Variants in LMNTD1 observed in about 807,000 individuals in gnomAD.
LMNTD1 encodes lamin tail domain containing 1.
LMNTD1 carries 35 observed loss-of-function variants against 50.9 expected under a neutral mutation model. The observed-to-expected ratio is 0.69, with a 90% confidence interval of 0.53 to 0.91. The LOEUF is 0.91. Among genes scored for constraint, LMNTD1 ranks in the 40% least tolerant of loss-of-function variants. The pLI is 0.00. For missense variants in LMNTD1, 470 were observed against 475.5 expected (o/e 0.99, Z 0.11); for synonymous variants, 153 against 161.9 (o/e 0.94, Z 0.42).
intron 8 of LMNTD1, among the ~76,000 whole-genome samples, chr12:25,508,797 A>G (rs1744451521): frequency 6.6e-6 from 1 of 152,178 alleles, no homozygotes; most frequent in Non-Finnish European, 1.5e-5. Flanking sequence ...ATCTTTCGCC[A>G]CTGCACCTAC....
At chr12:25,506,124 C>A (rs1654516299) in intron 8 of LMNTD1, among the ~76,000 whole-genome samples, 1 of 152,184 alleles carries the variant, frequency 6.6e-6, no homozygotes, top group African/African-American at 2.4e-5. Flanking sequence ...CACAGTCCAG[C>A]TTAAGTAAAA....
At chr12:25,576,994 A>G (rs1009974049) in intron 1 of LMNTD1, among the ~76,000 whole-genome samples, 5 of 152,132 alleles carry the variant, frequency 3.3e-5, no homozygotes, top group Non-Finnish European at 7.4e-5. Context: ...CAAAGATCAG[A>G]TGGCTGTAGA....
intron 9 of LMNTD1, chr12:25,503,139 G>C (rs1358607923): frequency 6.6e-6 from 1 of 152,158 alleles, no homozygotes; most frequent in Non-Finnish European, 1.5e-5. Context: ...CAAACCAAAA[G>C]GAATCTTCAT....
chr12:25,525,833 A>G (rs1054645846), intron 6 of LMNTD1, among the ~76,000 whole-genome samples: 3 of 152,152 alleles, frequency 2.0e-5, no homozygotes, highest in East Asian at 3.8e-4. Context: ...ACCACCACTT[A>G]AGAACTAATG....
At chr12:25,479,467 T>C (rs1565932179) in intron 9 of LMNTD1, among the ~76,000 whole-genome samples, 1 of 152,208 alleles carries the variant, frequency 6.6e-6, no homozygotes, top group African/African-American at 2.4e-5. Flanking sequence ...TGCAAAGTAT[T>C]GTCATGTAGT....
At chr12:25,487,053 A>G (rs11502714) in intron 9 of LMNTD1, among the ~76,000 whole-genome samples, 3 of 149,556 alleles carry the variant, frequency 2.0e-5, no homozygotes, top group Non-Finnish European at 4.4e-5. Flanking sequence ...TTTACTTCCA[A>G]GTATGTGGTC....
chr12:25,630,990 T>C (rs1207532484), intron 1 of LMNTD1, among the ~76,000 whole-genome samples: 2 of 152,182 alleles, frequency 1.3e-5, no homozygotes, highest in Non-Finnish European at 2.9e-5. Flanking sequence ...GACCAGCCCT[T>C]CAGTTTGAGT....
At chr12:25,632,223 A>G (rs548232854) in intron 1 of LMNTD1, among the ~76,000 whole-genome samples, 61 of 152,326 alleles carry the variant, frequency 4.0e-4, no homozygotes, top group Non-Finnish European at 6.0e-4. Context: ...CTTGGAAAAC[A>G]TATTTGGGGG....
intron 9 of LMNTD1, among the ~76,000 whole-genome samples, chr12:25,499,356 T>C (rs1939250512): frequency 1.3e-5 from 2 of 152,152 alleles, no homozygotes; most frequent in South Asian, 4.1e-4. Flanking sequence ...TGCCCAGCCA[T>C]GGGAGGAAAT....
chr12:25,484,171 A>G (rs1938535545), intron 9 of LMNTD1, among the ~76,000 whole-genome samples: 1 of 152,056 alleles, frequency 6.6e-6, no homozygotes. Flanking sequence ...ATTAAAGTCA[A>G]CTTCTTTCTA....
chr12:25,602,469 T>C (rs1442345303), intron 1 of LMNTD1, among the ~76,000 whole-genome samples: 1 of 152,040 alleles, frequency 6.6e-6, no homozygotes, highest in African/African-American at 2.4e-5. Context: ...GATTTTTTGT[T>C]AATTCCCCAG....
chr12:25,555,520 T>G (rs925831240), upstream of LMNTD1, among the ~76,000 whole-genome samples: 2 of 152,242 alleles, frequency 1.3e-5, no homozygotes, highest in African/African-American at 4.8e-5. Flanking sequence ...CAGTAGAAAC[T>G]TAAGCACATG....
At chr12:25,599,530 A>G (rs1945916699) in intron 1 of LMNTD1, among the ~76,000 whole-genome samples, 1 of 152,124 alleles carries the variant, frequency 6.6e-6, no homozygotes, top group African/African-American at 2.4e-5. Flanking sequence ...TGCAGATGAT[A>G]TAATCTTAAA....
rs1440908340 is a variant in LMNTD1 at position 25,507,748 on chromosome 12, T to G, written c.1190-3948A>C. ...TTGCAGCAGAGGCTGAGAAAAACAG[T>G]TCTTATTATTGATGGCCATGTGTCT... On this transcript the variant is annotated intron_variant, in intron 8 of 9. Coordinates refer to ENST00000458174, the MANE Select transcript of LMNTD1 (RefSeq NM_001145728.2). 2.0e-5 allele frequency among the ~76,000 whole-genome samples: 3 copies of G among 152,332 alleles called. 1 individual carries two copies. The highest frequency in any genetic ancestry group is 6.8e-3 in the Middle Eastern group (2 of 294).
intron 1 of LMNTD1, among the ~76,000 whole-genome samples, chr12:25,646,260 C>T (rs992594562): frequency 1.3e-5 from 2 of 151,918 alleles, no homozygotes; most frequent in African/African-American, 4.8e-5. Context: ...AAGTAGAGCT[C>T]AGTGTCCCTA....
At chr12:25,486,901 T>G (rs1337248559) in intron 9 of LMNTD1, among the ~76,000 whole-genome samples, 1 of 152,048 alleles carries the variant, frequency 6.6e-6, no homozygotes, top group Admixed American at 6.6e-5. Flanking sequence ...GCTGGATTCA[T>G]TTTGCCAGTA....
intron 1 of LMNTD1, among the ~76,000 whole-genome samples, chr12:25,644,880 C>T (rs1947032876): frequency 6.6e-6 from 1 of 152,092 alleles, no homozygotes; most frequent in African/African-American, 2.4e-5. Flanking sequence ...GACTGAGGTA[C>T]ATAGATTTGA....
At chr12:25,509,324 T>C (rs1428712449) in intron 8 of LMNTD1, among the ~76,000 whole-genome samples, 1 of 152,198 alleles carries the variant, frequency 6.6e-6, no homozygotes, top group Non-Finnish European at 1.5e-5. Context: ...GCCAGGCTGG[T>C]CTCGAACTCC....
At chr12:25,605,911 A>C (rs1385712633) in intron 1 of LMNTD1, among the ~76,000 whole-genome samples, 1 of 152,196 alleles carries the variant, frequency 6.6e-6, no homozygotes, top group Non-Finnish European at 1.5e-5. Flanking sequence ...TTGAATCTAT[A>C]AATTACCTTG....
Sources: gnomAD v4.1 joint callset for allele counts (sites outside exome capture counted in the v4.1 genomes callset) on GRCh38, gnomAD v4.1.1 for gene constraint, MANE v1.5 for transcripts, NCBI Gene and HGNC (gene_info 2026-07-23, HGNC 2026-07-21) for gene names.